The following RADIL variants were observed in gnomAD, a reference collection of about 807,000 sequenced individuals.
The protein encoded by RADIL is ras-associating and dilute domain-containing protein.
A neutral mutation model predicts 97.6 loss-of-function variants in RADIL; 99 were observed. The observed-to-expected ratio is 1.01, with a 90% confidence interval of 0.86 to 1.20. The LOEUF (loss-of-function observed/expected upper bound fraction) is 1.20, where lower values mean the gene tolerates loss of function less well. Among genes scored for constraint, RADIL ranks in the 50% most tolerant of loss-of-function variants. The probability of loss-of-function intolerance (pLI) is 0.00; values close to 1 mark genes in which losing one functional copy is unlikely to be tolerated. For missense variants in RADIL, 1,765 were observed against 1,498.9 expected (o/e 1.18, Z -2.93); for synonymous variants, 803 against 691.8 (o/e 1.16, Z -2.52).
At chr7:4,838,711 C>T (rs557476990) in intron 2 of RADIL, among the ~76,000 whole-genome samples, 3 of 152,312 alleles carry the variant, frequency 2.0e-5, no homozygotes, top group East Asian at 1.9e-4. Flanking sequence ...AACGAGGGGC[C>T]GGAGGTGAGG....
rs1263615160 is a variant in RADIL at position 4,803,599 on chromosome 7, G to A, written c.2446C>T (p.Pro816Ser). The A allele has an allele frequency of 3.2e-6, 5 of 1,547,578 alleles. No individual in the cohort carries two copies. Among genetic ancestry groups the A allele is most frequent in the South Asian group, 1.2e-5 (1 of 84,000 alleles). ...CTGCCAGGCCTGCCAGGGCTGCCGG[G>A]GCTGGCTCTGCTCCGCAGACCCCAC... is the stretch of plus-strand genomic sequence containing the variant. ...FLWGLRSRAS[P>S]GSPGRPGSGA... The change falls in exon 11 of 15, where the codon CCC becomes TCC. Residue 816 changes from proline (P) to serine (S), a missense_variant. Transcript: ENST00000399583.
At chr7:4,853,591 A>C (rs1487586767) in intron 2 of RADIL, among the ~76,000 whole-genome samples, 3 of 152,004 alleles carry the variant, frequency 2.0e-5, no homozygotes, top group Non-Finnish European at 4.4e-5. Context: ...AAAAATACAA[A>C]ATTAGCCAGG....
chr7:4,808,706 TCCG>T (rs2115174227), intron 9 of RADIL: 1 of 836,016 alleles, frequency 1.2e-6, no homozygotes, highest in Admixed American at 2.2e-4. Flanking sequence ...CCACTGCCCC[TCCG>T]TTTCTCCTTC....
chr7:4,870,335 A>G (rs1784223833), intron 2 of RADIL, among the ~76,000 whole-genome samples: 2 of 152,200 alleles, frequency 1.3e-5, no homozygotes, highest in Admixed American at 1.3e-4. Context: ...CTCTAAAACC[A>G]TGAGAGACGC....
At position 4,824,519 on chromosome 7, in the gene RADIL, C is replaced by G. The variant is rs1782923118; in HGVS notation, c.1455-1965G>C. ...CCGAGCAGGGCTGGGGGAGGAACCC[C>G]AGGCTGCGTCCCAGATTCTCCCCGG... On this transcript the variant is annotated intron_variant, in intron 5 of 14. Transcript: ENST00000399583. This position sits in a 1 kb window ranked among gnomAD's most constrained non-coding sequence, Gnocchi z 6.7. Among the ~76,000 whole-genome samples, 2 of 152,240 alleles carry G rather than the reference C, an allele frequency of 1.3e-5. No homozygotes were observed. The highest frequency in any genetic ancestry group is 4.8e-5 in the African/African-American group (2 of 41,460).
In RADIL at chr7:4,798,525, G is replaced by T; in HGVS notation, c.*853C>A. ...GGTGGAGCTGCTGAGGATGCCCAGC[G>T]ACCCACGCTGTCACCCCGAGGCAGC... On this transcript the variant is annotated 3_prime_UTR_variant, in exon 15 of 15. Transcript: ENST00000399583. The T allele has an allele frequency of 2.0e-5, 3 of 152,648 alleles. No homozygotes were observed. In the South Asian group the frequency reaches 5.9e-4, roughly 30 times the overall value. 9.5% of individuals were successfully genotyped at this position (152,648 alleles called of 1,614,324 possible). A position where few individuals can be genotyped will look rare whatever the true frequency, so the allele number is the denominator to read the frequency against.
At chr7:4,843,272 CA>C (rs1297319749) in intron 2 of RADIL, among the ~76,000 whole-genome samples, 1 of 151,916 alleles carries the variant, frequency 6.6e-6, no homozygotes, top group East Asian at 1.9e-4. Context: ...CTCGGCCTGC[CA>C]AAGTGCTGGG....
In RADIL at chr7:4,798,072, TCA is replaced by T; in HGVS notation, c.*1304_*1305del. 1 of 146,620 alleles carries T rather than the reference TCA, an allele frequency of 6.8e-6. No individual in the cohort carries two copies. Among genetic ancestry groups the T allele is most frequent in the South Asian group, 2.1e-4 (1 of 4,778 alleles). 9.1% of individuals were successfully genotyped at this position (146,620 alleles called of 1,614,324 possible). On this transcript the variant is annotated 3_prime_UTR_variant, in exon 15 of 15. Coordinates refer to ENST00000399583, the MANE Select transcript of RADIL (RefSeq NM_018059.5). ...ACGTATACATGAATATGTAATATATTCATATATAATTATATATTTATATATAT... is the reference window on the plus strand; with the variant it reads ...ACGTATACATGAATATGTAATATATTTATATAATTATATATTTATATATAT...
chr7:4,860,111 A>T (rs769104217), intron 2 of RADIL: 12 of 1,613,952 alleles, frequency 7.4e-6, no homozygotes, highest in African/African-American at 1.3e-5. Flanking sequence ...TATGTTAGCC[A>T]CAGATGCTGT....
chr7:4,823,788 A>G (rs7788883), intron 5 of RADIL, among the ~76,000 whole-genome samples: 35,789 of 152,174 alleles, frequency 0.24, 5,113 homozygotes, highest in African/African-American at 0.39. Context: ...TGTCCTCAGC[A>G]GCCTCTTGGA....
rs746766301 is a variant in RADIL at position 4,834,821 on chromosome 7, C to T, written c.1202G>A (p.Arg401Gln). ...AASPTQAALP[R>Q]RQQLLLEFEP... ...AAACTCCAGGAGCAGCTGCTGGCGCCGGGGCAGGGCGGCCTGAGTAGGGGA... is the reference window on the plus strand; with the variant it reads ...AAACTCCAGGAGCAGCTGCTGGCGCTGGGGCAGGGCGGCCTGAGTAGGGGA... The change falls in exon 4 of 15, where the codon CGG becomes CAG. Residue 401 changes from arginine (R) to glutamine (Q), a missense_variant. Arg to Gln is a conservative substitution (Grantham distance 43). Coordinates refer to ENST00000399583, the MANE Select transcript of RADIL (RefSeq NM_018059.5). The surrounding 1 kb of genome is among the most constrained non-coding windows in gnomAD (Gnocchi z 6.0). 1.6e-5 allele frequency: 21 copies of T among 1,313,460 alleles called. No individual in the cohort carries two copies. In the Middle Eastern group the frequency reaches 6.2e-4, roughly 39 times the overall value. 81.4% of individuals were successfully genotyped at this position (1,313,460 alleles called of 1,614,324 possible).
chr7:4,823,601 C>T (rs139549784), intron 5 of RADIL, among the ~76,000 whole-genome samples: 11 of 152,300 alleles, frequency 7.2e-5, no homozygotes, highest in East Asian at 1.9e-4. Flanking sequence ...TGCTGCCTTC[C>T]GGCTCAGTGC....
intron 5 of RADIL, among the ~76,000 whole-genome samples, chr7:4,826,901 T>C (rs1019303883): frequency 2.6e-5 from 4 of 151,762 alleles, no homozygotes; most frequent in African/African-American, 9.7e-5. Flanking sequence ...ATAAGACAGG[T>C]GAACAAACAA....
rs1782034800 is a variant in RADIL at position 4,800,202 on chromosome 7, G to A, written c.2951C>T (p.Ser984Phe). ...VFTVELERGP[S>F]GLGMGLIDGM... The stretch of plus-strand genomic sequence containing the variant: ...GTCGATCAGGCCCATCCCCAGCCCG[G>A]AGGGGCCTCGTTCCAGCTCCACCGT... Residue 984 changes from serine (S) to phenylalanine (F), a missense_variant, in exon 13 of 15, where the codon TCC (serine) becomes TTC (phenylalanine). Transcript: ENST00000399583. 2 of 1,608,710 alleles carry A rather than the reference G, an allele frequency of 1.2e-6. No individual in the cohort carries two copies. The highest frequency in any genetic ancestry group is 1.7e-6 in the Non-Finnish European group (2 of 1,178,390).
intron 5 of RADIL, among the ~76,000 whole-genome samples, chr7:4,828,451 C>G (rs768661789): frequency 2.0e-5 from 3 of 152,136 alleles, no homozygotes; most frequent in Non-Finnish European, 4.4e-5. Context: ...GAATGAGACC[C>G]TGTCTCAAAA....
chr7:4,804,152 C>A, intron 10 of RADIL: 1 of 302,178 alleles, frequency 3.3e-6, no homozygotes, highest in Non-Finnish European at 6.6e-6. Context: ...GACTGCCTCC[C>A]TGCAGGAATC....
chr7:4,800,324 A>T lies in RADIL; in HGVS notation c.2843-14T>A. On this transcript the variant is annotated splice_polypyrimidine_tract_variant and intron_variant, in intron 12 of 14. Transcript: ENST00000399583. The stretch of plus-strand genomic sequence containing the variant: ...CTGCAGAGTCTCCTGGGTGGGGGCC[A>T]GGAAAGGTGGGTGGGAGTGAGGCGC... The T allele has an allele frequency of 7.0e-7, 1 of 1,435,034 alleles. No homozygotes were observed. Among genetic ancestry groups the T allele is most frequent in the Non-Finnish European group, 9.1e-7 (1 of 1,093,934 alleles). 88.9% of individuals were successfully genotyped at this position (1,435,034 alleles called of 1,614,324 possible). A position where few individuals can be genotyped will look rare whatever the true frequency, so the allele number is the denominator to read the frequency against.
At chr7:4,850,219 A>T (rs1333813980) in intron 2 of RADIL, among the ~76,000 whole-genome samples, 1 of 140,782 alleles carries the variant, frequency 7.1e-6, no homozygotes, top group African/African-American at 3.1e-5. Flanking sequence ...ATCCCTTTAA[A>T]AAAAAAAAAA....
At chr7:4,811,558 G>A (rs1782549684) in intron 9 of RADIL, among the ~76,000 whole-genome samples, 2 of 135,168 alleles carry the variant, frequency 1.5e-5, no homozygotes, top group Non-Finnish European at 3.1e-5. Context: ...CGCAATCTCG[G>A]CTCACTGCAA....
Sources: gnomAD v4.1 joint callset for allele counts (sites outside exome capture counted in the v4.1 genomes callset) on GRCh38, gnomAD v4.1.1 for gene constraint, Gnocchi (gnomAD v3.1) non-coding constraint, MANE v1.5 for transcripts, NCBI Gene and HGNC (gene_info 2026-07-23, HGNC 2026-07-21) for gene names.